The following PCBP2 variants were observed in gnomAD, a reference collection of about 807,000 sequenced individuals.
PCBP2 encodes poly(rC)-binding protein 2.
PCBP2 carries 4 observed loss-of-function variants against 50.1 expected under a neutral mutation model. The observed-to-expected ratio is 0.08, with a 90% CI of 0.04 to 0.18. The LOEUF (loss-of-function observed/expected upper bound fraction) is 0.18. PCBP2 is among the 10% of genes least tolerant of loss of function. The pLI is 1.00. For synonymous variants in PCBP2, 179 were observed against 168.0 expected (o/e 1.07, Z -0.51); for missense variants, 161 against 474.3 (o/e 0.34, Z 6.14).
chr12:53,463,319 G>T (rs1385596846), intron 8 of PCBP2, among the ~76,000 whole-genome samples: 1 of 152,214 alleles, frequency 6.6e-6, no homozygotes, highest in Non-Finnish European at 1.5e-5. Context: ...GACCATGGTA[G>T]TCCTATGCTC....
chr12:53,478,785 G>A (rs112794636), intron 14 of PCBP2, among the ~76,000 whole-genome samples: 1 of 151,638 alleles, frequency 6.6e-6, no homozygotes. Flanking sequence ...TAGCCTGGGT[G>A]ACAGAGCTAG....
chr12:53,477,532 G>A lies in PCBP2; in HGVS notation c.1053-1874G>A, dbSNP rs143343245. 8.9e-4 allele frequency among the ~76,000 whole-genome samples: 135 copies of A among 152,012 alleles called. 1 individual carries two copies. The Middle Eastern group carries it at 0.01, about 11-fold the overall frequency. On this transcript the variant is annotated intron_variant, in intron 14 of 14. Transcript: ENST00000546463. ...CATAAAAAAATTAGCTGGGCATGGTGGTGGGCGCCTGTAGTCCCAGCAACT... is the reference window on the plus strand; with the variant it reads ...CATAAAAAAATTAGCTGGGCATGGTAGTGGGCGCCTGTAGTCCCAGCAACT...
Position 53,471,648 on chromosome 12 carries a change from G to A in PCBP2, c.893G>A (p.Cys298Tyr). The A allele has an allele frequency of 6.2e-7, 1 of 1,612,114 alleles. No homozygotes were observed. Among genetic ancestry groups the A allele is most frequent in the Non-Finnish European group, 8.5e-7 (1 of 1,179,108 alleles). ...TCTTTCTCCCTTAAGTTGATTGGCT[G>A]CATAATCGGGCGTCAAGGCGCCAAA... ...ELTIPNDLIG[C>Y]IIGRQGAKIN... Residue 298 changes from cysteine to tyrosine, a missense_variant, in exon 14 of 15, where the codon TGC becomes TAC. By Grantham distance (194) the Cys-to-Tyr change is radical. This residue lies in a region of PCBP2 where 51 missense variants were observed against 193.0 expected (regional missense o/e 0.26). Transcript: ENST00000546463.
intron 6 of PCBP2, chr12:53,460,043 C>T (rs938755309): frequency 2.1e-5 from 5 of 238,658 alleles, no homozygotes; most frequent in Non-Finnish European, 3.6e-5. Context: ...AGGCTTGAGC[C>T]AGCACACTTG....
Position 53,455,902 on chromosome 12 carries a change from C to T in PCBP2, c.144C>T (p.Asn48=). ...CTATCTAGAGTGGTGCACGTATCAA[C>T]ATCTCAGAAGGGAATTGTCCTGAGA... The part of the protein sequence containing the change: ...KMREESGARI[N]ISEGNCPERI... Residue 48 remains asparagine, a synonymous_variant, in exon 5 of 15, where the codon AAC becomes AAT. Transcript: ENST00000546463. 1 of 1,610,258 alleles carries T rather than the reference C, an allele frequency of 6.2e-7. No individual in the cohort carries two copies. Among genetic ancestry groups the T allele is most frequent in the Non-Finnish European group, 8.5e-7 (1 of 1,176,534 alleles).
chr12:53,478,677 GCCAGTAATC>G (rs926369146), intron 14 of PCBP2, among the ~76,000 whole-genome samples: 1 of 152,000 alleles, frequency 6.6e-6, no homozygotes, highest in Non-Finnish European at 1.5e-5. Context: ...GGTGGTGGCT[GCCAGTAATC>G]CCAGCTATCA....
At chr12:53,471,493 A>G in intron 13 of PCBP2, 145 bp from the exon 14 acceptor site, 1 of 663,976 alleles carries the variant, frequency 1.5e-6, no homozygotes, top group Admixed American at 4.3e-5. Flanking sequence ...CAAATCCAGG[A>G]GGCTGAGGTT....
chr12:53,468,689 G>A, intron 12 of PCBP2, 88 bp from the exon 13 acceptor site: 1 of 1,019,276 alleles, frequency 9.8e-7, no homozygotes, highest in Non-Finnish European at 1.6e-6. Flanking sequence ...TGGGTTTCCA[G>A]TTTATTTCCT....
chr12:53,471,606 TC>T, intron 13 of PCBP2, 31 bp from the exon 14 acceptor site: 1 of 1,586,110 alleles, frequency 6.3e-7, no homozygotes, highest in South Asian at 1.2e-5. Context: ...CAACTCTAAT[TC>T]GGTGTGCCTT....
chr12:53,465,503 G>A (rs1941753879), intron 9 of PCBP2, among the ~76,000 whole-genome samples: 1 of 152,180 alleles, frequency 6.6e-6, no homozygotes, highest in Non-Finnish European at 1.5e-5. Flanking sequence ...TACCATGTAG[G>A]TTTGTGCAGT....
chr12:53,468,032 A>G, intron 12 of PCBP2, 189 bp downstream of exon 12: 1 of 589,954 alleles, frequency 1.7e-6, no homozygotes, highest in Non-Finnish European at 3.0e-6. Flanking sequence ...CCTTCTAAAA[A>G]TGATGAGACA....
chr12:53,452,927 A>C (rs1290388298), intron 1 of PCBP2: 1 of 151,920 alleles, frequency 6.6e-6, no homozygotes, highest in African/African-American at 2.4e-5. Flanking sequence ...GAGTTAAAGA[A>C]AGGGTAGACG....
chr12:53,459,021 C>T (rs962037078), intron 5 of PCBP2, among the ~76,000 whole-genome samples: 8 of 152,084 alleles, frequency 5.3e-5, no homozygotes, highest in African/African-American at 1.9e-4. Context: ...TACTTTTATC[C>T]TTAGCAAGTA....
chr12:53,465,042 C>A, intron 9 of PCBP2, 190 bp downstream of exon 9: 12 of 391,238 alleles, frequency 3.1e-5, no homozygotes, highest in South Asian at 9.6e-5. Flanking sequence ...GTAACACCAA[C>A]TTTTTTTTTT....
intron 5 of PCBP2, among the ~76,000 whole-genome samples, chr12:53,457,449 C>A (rs1204463426): frequency 6.6e-6 from 1 of 152,044 alleles, no homozygotes; most frequent in Non-Finnish European, 1.5e-5. Flanking sequence ...ACTGCAGCCT[C>A]ATCTTCCCAC....
chr12:53,458,752 C>T (rs1941233128), intron 5 of PCBP2, among the ~76,000 whole-genome samples: 1 of 151,922 alleles, frequency 6.6e-6, no homozygotes, highest in Non-Finnish European at 1.5e-5. Flanking sequence ...GATTCTCCCG[C>T]ATCAGCATCC....
intron 14 of PCBP2, among the ~76,000 whole-genome samples, chr12:53,474,557 AT>A (rs1357069674): frequency 6.6e-6 from 1 of 152,224 alleles, no homozygotes; most frequent in South Asian, 2.1e-4. Flanking sequence ...ACCCGAAATC[AT>A]TCCTTCAACA....
At position 53,473,995 on chromosome 12, in the gene PCBP2, A is replaced by G. The variant is rs17099611; in HGVS notation, c.1052+2188A>G. 2.6e-3 allele frequency among the ~76,000 whole-genome samples: 392 copies of G among 152,286 alleles called. 12 individuals are homozygous for G. In the East Asian group the frequency reaches 0.064, roughly 25 times the overall value. ...TTGAAGACTTAGCGTTGTGGGCTCA[A>G]TTGTCCAGGCACACTTCCCAAATAT... is the stretch of plus-strand genomic sequence containing the variant. On this transcript the variant is annotated intron_variant, in intron 14 of 14. Coordinates refer to ENST00000546463, the MANE Select transcript of PCBP2 (RefSeq NM_031989.5).
At chr12:53,458,788 G>A (rs1182318481) in intron 5 of PCBP2, among the ~76,000 whole-genome samples, 4 of 151,266 alleles carry the variant, frequency 2.6e-5, no homozygotes, top group Non-Finnish European at 5.9e-5. Flanking sequence ...ACAGGTGCCA[G>A]CCACCATGCT....
Sources: gnomAD v4.1 joint callset for allele counts (sites outside exome capture counted in the v4.1 genomes callset) on GRCh38, gnomAD v4.1.1 for gene constraint, gnomAD v4.1.1 regional missense constraint, MANE v1.5 for transcripts, NCBI Gene and HGNC (gene_info 2026-07-23, HGNC 2026-07-21) for gene names.